NKAIN2: variants seen among roughly 807,000 people sequenced by gnomAD.
NKAIN2 encodes sodium/potassium-transporting ATPase subunit beta-1-interacting protein 2.
In NKAIN2, 14 loss-of-function variants were observed where a neutral mutation model predicts 32.6. That is an observed-to-expected ratio of 0.43 (90% CI 0.28 to 0.67). The LOEUF (loss-of-function observed/expected upper bound fraction) is 0.67. Ranked by LOEUF, NKAIN2 falls within the 30% of genes least tolerant of loss-of-function variation. The pLI is 0.17. For synonymous variants in NKAIN2, 80 were observed against 87.2 expected (o/e 0.92, Z 0.46); for missense variants, 198 against 258.3 (o/e 0.77, Z 1.60).
chr6:124,295,968 T>C (rs916470343), intron 2 of NKAIN2, among the ~76,000 whole-genome samples: 18 of 152,142 alleles, frequency 1.2e-4, no homozygotes, highest in African/African-American at 3.9e-4. Flanking sequence ...TCCTTCATTA[T>C]AGTAAAAAAG....
At chr6:124,625,656 G>A (rs1783293540) in intron 3 of NKAIN2, among the ~76,000 whole-genome samples, 1 of 151,974 alleles carries the variant, frequency 6.6e-6, no homozygotes, top group Admixed American at 6.6e-5. Context: ...TATGAAAGGA[G>A]GAGAGAAGTT....
intron 1 of NKAIN2, among the ~76,000 whole-genome samples, chr6:124,139,439 A>C (rs959480456): frequency 1.3e-5 from 2 of 152,226 alleles, no homozygotes; most frequent in African/African-American, 4.8e-5. Context: ...ATCCTCTGCC[A>C]AACTGTAAGC....
chr6:124,450,874 C>T (rs1343645909), intron 3 of NKAIN2, among the ~76,000 whole-genome samples: 1 of 151,930 alleles, frequency 6.6e-6, no homozygotes, highest in Non-Finnish European at 1.5e-5. Flanking sequence ...ACTATTTTCT[C>T]ACCTCTATAG....
chr6:124,173,847 A>T (rs1265957721), intron 1 of NKAIN2, among the ~76,000 whole-genome samples: 1 of 152,048 alleles, frequency 6.6e-6, no homozygotes, highest in Non-Finnish European at 1.5e-5. Context: ...CTTATTCCTT[A>T]TTTCTTCAAA....
chr6:124,144,848 C>T (rs1481807545), intron 1 of NKAIN2, among the ~76,000 whole-genome samples: 1 of 151,856 alleles, frequency 6.6e-6, no homozygotes, highest in Non-Finnish European at 1.5e-5. Flanking sequence ...AAGCTATGGA[C>T]TAGGAGGAAA....
At chr6:124,813,739 G>C (rs1282985088) in intron 5 of NKAIN2, among the ~76,000 whole-genome samples, 1 of 152,040 alleles carries the variant, frequency 6.6e-6, no homozygotes. Flanking sequence ...CACTTGAAAG[G>C]GCTTCAGGAA....
chr6:124,532,460 C>T (rs1416281690), intron 3 of NKAIN2, among the ~76,000 whole-genome samples: 2 of 152,128 alleles, frequency 1.3e-5, no homozygotes, highest in Non-Finnish European at 2.9e-5. Flanking sequence ...AGAAATTTAT[C>T]TCATCTCATA....
intron 3 of NKAIN2, among the ~76,000 whole-genome samples, chr6:124,562,731 T>C (rs1780742447): frequency 2.0e-5 from 3 of 152,140 alleles, no homozygotes; most frequent in Admixed American, 2.0e-4. Context: ...GTGCCATTTG[T>C]TTTACCTTTT....
intron 1 of NKAIN2, among the ~76,000 whole-genome samples, chr6:124,229,805 A>G (rs1300520580): frequency 6.6e-6 from 1 of 152,146 alleles, no homozygotes; most frequent in Non-Finnish European, 1.5e-5. Flanking sequence ...TGCCATGATT[A>G]TGAGGCCTCC....
At chr6:124,233,286 A>C (rs1445472948) in intron 1 of NKAIN2, among the ~76,000 whole-genome samples, 1 of 152,070 alleles carries the variant, frequency 6.6e-6, no homozygotes, top group Non-Finnish European at 1.5e-5. Context: ...ATTCTTTACA[A>C]ACCATAATTA....
chr6:124,548,866 G>A (rs1449541037), intron 3 of NKAIN2, among the ~76,000 whole-genome samples: 1 of 152,158 alleles, frequency 6.6e-6, no homozygotes, highest in African/African-American at 2.4e-5. Context: ...ACTGAGAGGT[G>A]GAGGTAGATT....
chr6:124,276,073 C>T (rs1021971220), intron 1 of NKAIN2, among the ~76,000 whole-genome samples: 4 of 151,900 alleles, frequency 2.6e-5, no homozygotes, highest in Non-Finnish European at 4.4e-5. Context: ...GCTGACTTCT[C>T]GTGTAATCAG....
chr6:124,677,412 T>C (rs1773415509), intron 4 of NKAIN2, among the ~76,000 whole-genome samples: 1 of 152,238 alleles, frequency 6.6e-6, no homozygotes, highest in African/African-American at 2.4e-5. Flanking sequence ...GTAGGTTTTT[T>C]TCATCTTCTT....
At chr6:124,628,502 T>C (rs566345533) in intron 3 of NKAIN2, among the ~76,000 whole-genome samples, 15 of 152,234 alleles carry the variant, frequency 9.9e-5, no homozygotes, top group African/African-American at 2.6e-4. Context: ...TTTAAAATAG[T>C]TAAGTCACTT....
intron 3 of NKAIN2, among the ~76,000 whole-genome samples, chr6:124,573,807 T>G (rs1198801315): frequency 6.6e-6 from 1 of 152,154 alleles, no homozygotes; most frequent in Non-Finnish European, 1.5e-5. Flanking sequence ...AAAATCTCCT[T>G]TTAGGTAAAA....
chr6:124,812,666 A>G (rs1258494153), intron 5 of NKAIN2, among the ~76,000 whole-genome samples: 4 of 152,176 alleles, frequency 2.6e-5, no homozygotes, highest in African/African-American at 9.6e-5. Context: ...CTCTTCACTT[A>G]GATGTACTAC....
intron 1 of NKAIN2, among the ~76,000 whole-genome samples, chr6:123,849,912 T>A (rs542235594): frequency 1.4e-3 from 212 of 151,158 alleles, no homozygotes; most frequent in Non-Finnish European, 2.5e-3. Context: ...TTAAAAAAAT[T>A]TTTTTGAGAC....
At chr6:124,029,180 A>G (rs1309035634) in intron 1 of NKAIN2, among the ~76,000 whole-genome samples, 1 of 151,796 alleles carries the variant, frequency 6.6e-6, no homozygotes, top group Non-Finnish European at 1.5e-5. Flanking sequence ...TATTTCTACT[A>G]TTGTTTAACA....
At chr6:124,548,698 G>T (rs1229101109) in intron 3 of NKAIN2, among the ~76,000 whole-genome samples, 1 of 152,164 alleles carries the variant, frequency 6.6e-6, no homozygotes, top group Non-Finnish European at 1.5e-5. Flanking sequence ...ACTAAATTTT[G>T]AAACTTCTGA....
Sources: allele counts gnomAD v4.1 joint callset (sites outside exome capture counted in the v4.1 genomes callset), GRCh38; gene constraint gnomAD v4.1.1; transcripts MANE v1.5; gene names NCBI Gene and HGNC (gene_info 2026-07-23, HGNC 2026-07-21).